Variants in OTOGL observed in about 807,000 individuals in gnomAD.
OTOGL encodes otogelin-like protein.
A neutral mutation model predicts 318.5 loss-of-function variants in OTOGL; 285 were observed. The observed-to-expected ratio is 0.89, with a 90% confidence interval of 0.81 to 0.99. The LOEUF (loss-of-function observed/expected upper bound fraction) is 0.99, where lower values mean the gene tolerates loss of function less well. OTOGL is among the 50% of genes least tolerant of loss of function. The probability of loss-of-function intolerance (pLI) is 0.00; values close to 1 mark genes in which losing one functional copy is unlikely to be tolerated. For missense variants in OTOGL, 2,899 were observed against 2,845.6 expected, an observed-to-expected ratio of 1.02 and a Z score of -0.43; for synonymous variants, 987 against 936.5, an observed-to-expected ratio of 1.05 and a Z score of -0.99.
At chr12:80,205,521 C>T (rs547983290) in intron 1 of OTOGL, among the ~76,000 whole-genome samples, 3 of 152,198 alleles carry the variant, frequency 2.0e-5, no homozygotes, top group Admixed American at 1.3e-4. Flanking sequence ...TGAAACATCC[C>T]AGAAACTGCC....
At chr12:80,146,735 C>A (rs1253092632) in intron 1 of OTOGL, among the ~76,000 whole-genome samples, 4 of 151,668 alleles carry the variant, frequency 2.6e-5, no homozygotes, top group East Asian at 1.9e-4. Flanking sequence ...ACAATTTCAG[C>A]TCCTGTTATT....
intron 1 of OTOGL, among the ~76,000 whole-genome samples, chr12:80,146,165 G>C (rs1395662483): frequency 2.0e-5 from 3 of 148,422 alleles, no homozygotes; most frequent in Admixed American, 2.0e-4. Flanking sequence ...TCCAGTTTTT[G>C]CCCATTCAGT....
At chr12:80,104,702 A>G (rs1869351469) in intron 1 of OTOGL, among the ~76,000 whole-genome samples, 2 of 152,184 alleles carry the variant, frequency 1.3e-5, no homozygotes, top group Non-Finnish European at 2.9e-5. Context: ...AGGTATCTAT[A>G]GATTGTCACA....
intron 9 of OTOGL, among the ~76,000 whole-genome samples, chr12:80,236,710 G>A (rs1879879360): frequency 6.6e-6 from 1 of 151,966 alleles, no homozygotes; most frequent in Admixed American, 6.5e-5. Flanking sequence ...TCCTCAGTGT[G>A]CAACATTTCA....
intron 52 of OTOGL, among the ~76,000 whole-genome samples, chr12:80,361,499 A>G (rs577419124): frequency 2.9e-4 from 44 of 152,328 alleles, no homozygotes; most frequent in African/African-American, 1.0e-3. Flanking sequence ...ATATATACCC[A>G]GTAGTGGAAT....
At chr12:80,117,087 A>G (rs1370858006) in intron 1 of OTOGL, among the ~76,000 whole-genome samples, 1 of 152,140 alleles carries the variant, frequency 6.6e-6, no homozygotes, top group African/African-American at 2.4e-5. Context: ...TTGGTCATCA[A>G]AGTGAAGATT....
At chr12:80,262,557 G>A (rs1397301545) in intron 19 of OTOGL, among the ~76,000 whole-genome samples, 1 of 152,098 alleles carries the variant, frequency 6.6e-6, no homozygotes, top group Non-Finnish European at 1.5e-5. Flanking sequence ...GGAAGCCAGT[G>A]ATCCAAAGAG....
intron 34 of OTOGL, among the ~76,000 whole-genome samples, chr12:80,323,153 T>A (rs1592707302): frequency 2.0e-5 from 3 of 148,690 alleles, no homozygotes; most frequent in South Asian, 2.1e-4. Context: ...CACACATATA[T>A]AAAATATTTT....
intron 43 of OTOGL, 85 bp from the exon 44 acceptor site, chr12:80,341,863 T>C: frequency 1.1e-6 from 1 of 917,496 alleles, no homozygotes; most frequent in Non-Finnish European, 1.6e-6. Context: ...ATTTGTTCAT[T>C]TAAAATCAAT....
chr12:80,125,624 T>C (rs1287462731), intron 1 of OTOGL, among the ~76,000 whole-genome samples: 4 of 152,248 alleles, frequency 2.6e-5, no homozygotes, highest in Non-Finnish European at 5.9e-5. Context: ...TACCAGCTCC[T>C]CCTTGTACCT....
At chr12:80,145,317 C>A (rs1410910536) in intron 1 of OTOGL, among the ~76,000 whole-genome samples, 2 of 152,044 alleles carry the variant, frequency 1.3e-5, no homozygotes, top group Admixed American at 1.3e-4. Flanking sequence ...ATAGGGAATC[C>A]TTTCCCCGTT....
At chr12:80,316,151 A>G (rs1028135714) in intron 32 of OTOGL, among the ~76,000 whole-genome samples, 14 of 152,204 alleles carry the variant, frequency 9.2e-5, no homozygotes, top group Admixed American at 6.5e-5. Flanking sequence ...GGATTTGTGA[A>G]CAATTTGGCT....
chr12:80,192,353 A>T (rs932242605), intron 1 of OTOGL, among the ~76,000 whole-genome samples: 2 of 152,208 alleles, frequency 1.3e-5, no homozygotes, highest in African/African-American at 4.8e-5. Flanking sequence ...CCTGACTGAG[A>T]TGGCCATAGC....
chr12:80,359,145 C>G (rs1890094255), intron 52 of OTOGL, among the ~76,000 whole-genome samples: 1 of 152,078 alleles, frequency 6.6e-6, no homozygotes, highest in African/African-American at 2.4e-5. Flanking sequence ...CTTATATCTA[C>G]TTCAGTTCCC....
rs1565915616 is a variant in OTOGL, at chr12:80,232,057, C to T, written c.612-835C>T. On this transcript the variant is annotated intron_variant, in intron 8 of 58. Coordinates refer to ENST00000547103, the MANE Select transcript of OTOGL (RefSeq NM_001378609.3). ...TGTTCTTTCAAAAGTATTCTAGGTG[C>T]TTTTAAAATATTCAATTGTTTAGTT... Among the ~76,000 whole-genome samples, 8 of 152,280 alleles carry T rather than the reference C, an allele frequency of 5.3e-5. No homozygotes were observed. In the South Asian group the frequency reaches 1.7e-3, roughly 32 times the overall value.
At chr12:80,143,329 T>C (rs1872077736) in intron 1 of OTOGL, among the ~76,000 whole-genome samples, 1 of 152,148 alleles carries the variant, frequency 6.6e-6, no homozygotes. Flanking sequence ...TAAGGGACTA[T>C]GGATCTGAAT....
intron 27 of OTOGL, 138 bp from the exon 28 acceptor site, chr12:80,302,496 C>G: frequency 1.9e-6 from 1 of 530,532 alleles, no homozygotes; most frequent in East Asian, 3.5e-5. Context: ...TCTTTTCTTA[C>G]AGAATTCAGA....
intron 1 of OTOGL, among the ~76,000 whole-genome samples, chr12:80,154,713 C>A (rs1256258010): frequency 1.3e-5 from 2 of 152,106 alleles, no homozygotes; most frequent in Non-Finnish European, 2.9e-5. Context: ...TAATTGCTTC[C>A]AGGTTTTGGC....
intron 5 of OTOGL, 146 bp from the exon 6 acceptor site, chr12:80,219,668 A>C: frequency 1.5e-6 from 1 of 657,488 alleles, no homozygotes; most frequent in South Asian, 1.7e-5. Context: ...TGTTGGGTTT[A>C]GTTCTTTAGC....
Sources: gnomAD v4.1 joint callset for allele counts (sites outside exome capture counted in the v4.1 genomes callset) on GRCh38, gnomAD v4.1.1 for gene constraint, MANE v1.5 for transcripts, NCBI Gene and HGNC (gene_info 2026-07-23, HGNC 2026-07-21) for gene names.